SLC25A26: variants seen among roughly 807,000 people sequenced by gnomAD.
The protein encoded by SLC25A26 is solute carrier family 25 member 26, also known as mitochondrial S-adenosylmethionine carrier protein.
In SLC25A26, 36 loss-of-function variants were observed where a neutral mutation model predicts 37.8. The ratio of observed to expected loss-of-function variants is 0.95; its 90% confidence interval spans 0.73 to 1.26. The LOEUF (loss-of-function observed/expected upper bound fraction) is 1.26, where lower values mean the gene tolerates loss of function less well. SLC25A26 is among the 50% of genes most tolerant of loss of function. The pLI is 0.00. For missense variants in SLC25A26, 390 were observed against 331.1 expected (o/e 1.18, Z -1.38); for synonymous variants, 129 against 122.5 (o/e 1.05, Z -0.35).
At chr3:66,318,683 C>G (rs1488712311) in intron 5 of SLC25A26, among the ~76,000 whole-genome samples, 1 of 151,510 alleles carries the variant, frequency 6.6e-6, no homozygotes, top group East Asian at 1.9e-4. Context: ...TTTTTTGAGA[C>G]AGGCTCGGAG....
chr3:66,235,391 A>G (rs2072227448), intron 1 of SLC25A26, among the ~76,000 whole-genome samples: 1 of 152,214 alleles, frequency 6.6e-6, no homozygotes, highest in Non-Finnish European at 1.5e-5. Flanking sequence ...AGCTTCCCCA[A>G]AGCAACATGG....
chr3:66,325,303 T>A (rs1423559000), intron 5 of SLC25A26, among the ~76,000 whole-genome samples: 5 of 152,198 alleles, frequency 3.3e-5, no homozygotes, highest in Non-Finnish European at 5.9e-5. Flanking sequence ...TAATGAGGTT[T>A]TGTAGATTGA....
chr3:66,180,395 T>C (rs1163264682), intron 1 of SLC25A26, among the ~76,000 whole-genome samples: 1 of 152,134 alleles, frequency 6.6e-6, no homozygotes, highest in Non-Finnish European at 1.5e-5. Flanking sequence ...GCAGGGAACA[T>C]GCCGCAGAGC....
chr3:66,164,476 C>G lies in SLC25A26; in HGVS notation c.-354+30492C>G, dbSNP rs146277756. Among the ~76,000 whole-genome samples, 295 of 152,064 alleles carry G rather than the reference C, an allele frequency of 1.9e-3. 1 individual carries two copies. Among genetic ancestry groups the G allele is most frequent in the African/African-American group, 6.8e-3 (280 of 41,472 alleles). On this transcript the variant is annotated intron_variant, in intron 1 of 10. Transcript: ENST00000676754. ...TTTTAATGAGGGAGAAAAATCCTTT[C>G]CAGAAGCCCCCCAATGCCCAATAGG...
chr3:66,250,234 TCTATGGTCCTTAC>T (rs1207266980), intron 3 of SLC25A26, among the ~76,000 whole-genome samples: 1 of 152,194 alleles, frequency 6.6e-6, no homozygotes. Flanking sequence ...CTTCACCACT[TCTATGGTCCTTAC>T]CTAGTGATGT....
intron 5 of SLC25A26, among the ~76,000 whole-genome samples, chr3:66,301,690 A>G (rs1041720826): frequency 1.3e-5 from 2 of 152,214 alleles, no homozygotes; most frequent in Admixed American, 6.5e-5. Flanking sequence ...TCCTATCTAC[A>G]TGTTACCATT....
chr3:66,263,503 A>T, intron 5 of SLC25A26, 124 bp downstream of exon 5: 1 of 671,452 alleles, frequency 1.5e-6, no homozygotes, highest in Non-Finnish European at 2.6e-6. Context: ...AAAAAGGGAA[A>T]TTATCGTCAC....
chr3:66,218,466 A>AG (rs1436512036), upstream of SLC25A26, among the ~76,000 whole-genome samples: 1 of 152,158 alleles, frequency 6.6e-6, no homozygotes, highest in Non-Finnish European at 1.5e-5. Flanking sequence ...TAGCCACTCT[A>AG]GTGAGTTCTA....
At chr3:66,319,744 CTTTTTTTTTTTTT>C (rs71105981) in intron 5 of SLC25A26, among the ~76,000 whole-genome samples, 3 of 92,090 alleles carry the variant, frequency 3.3e-5, no homozygotes, top group South Asian at 7.5e-4. Flanking sequence ...GCAATTAAAT[CTTTTTTTTTTTTT>C]TTTTTTTTTT....
chr3:66,241,615 T>C (rs921628991), intron 2 of SLC25A26, among the ~76,000 whole-genome samples: 9 of 152,192 alleles, frequency 5.9e-5, no homozygotes, highest in Non-Finnish European at 1.2e-4. Flanking sequence ...TGGGAGATGC[T>C]AGGGAAAAGT....
At chr3:66,262,303 C>T in intron 4 of SLC25A26, 148 bp downstream of exon 4, 2 of 456,872 alleles carry the variant, frequency 4.4e-6, no homozygotes, top group Non-Finnish European at 7.7e-6. Flanking sequence ...CTAAGATTAT[C>T]TTTGCCTTTT....
intron 5 of SLC25A26, among the ~76,000 whole-genome samples, chr3:66,273,197 G>C (rs974699194): frequency 6.6e-6 from 1 of 152,130 alleles, no homozygotes; most frequent in Non-Finnish European, 1.5e-5. Context: ...CGGTTTGCCA[G>C]TATTTTATTG....
chr3:66,138,529 G>A (rs1007307967), intron 1 of SLC25A26, among the ~76,000 whole-genome samples: 1 of 118,714 alleles, frequency 8.4e-6, no homozygotes, highest in African/African-American at 3.8e-5. Context: ...CCTACATTGG[G>A]GCCTTTCTTT....
At chr3:66,156,288 T>C (rs2070281802) in intron 1 of SLC25A26, among the ~76,000 whole-genome samples, 1 of 152,188 alleles carries the variant, frequency 6.6e-6, no homozygotes, top group Non-Finnish European at 1.5e-5. Flanking sequence ...GTTACAGCAG[T>C]AACAAGGAAG....
chr3:66,166,984 G>A (rs1398937428), intron 1 of SLC25A26, among the ~76,000 whole-genome samples: 3 of 151,882 alleles, frequency 2.0e-5, no homozygotes, highest in Non-Finnish European at 4.4e-5. Context: ...TTTTATAAAG[G>A]TGAGTTTCCC....
chr3:66,302,041 T>C (rs905110360), intron 5 of SLC25A26, among the ~76,000 whole-genome samples: 1 of 152,240 alleles, frequency 6.6e-6, no homozygotes, highest in Non-Finnish European at 1.5e-5. Flanking sequence ...ATTATTGTTG[T>C]GATGATAATG....
At position 66,338,111 on chromosome 3, in the gene SLC25A26, C is replaced by A. The variant is rs1335345755; in HGVS notation, c.454-8253C>A. On this transcript the variant is annotated intron_variant, in intron 5 of 9. Transcript: ENST00000354883. ...TGAATAGAATCATATAGTCTGCACT[C>A]TTTTTGTTTCTTCTTTTGCTCAGTA... is the stretch of plus-strand genomic sequence containing the variant. Among the ~76,000 whole-genome samples, 4 of 152,078 alleles carry A rather than the reference C, an allele frequency of 2.6e-5. No homozygotes were observed. In the East Asian group the frequency reaches 7.7e-4, roughly 29 times the overall value.
chr3:66,266,032 A>G (rs2073733986), intron 5 of SLC25A26, among the ~76,000 whole-genome samples: 1 of 152,254 alleles, frequency 6.6e-6, no homozygotes, highest in South Asian at 2.1e-4. Context: ...TTGTTTTGAC[A>G]TATGTCCTGC....
intron 1 of SLC25A26, among the ~76,000 whole-genome samples, chr3:66,140,372 A>G (rs2070015960): frequency 1.3e-5 from 2 of 152,154 alleles, no homozygotes; most frequent in African/African-American, 4.8e-5. Context: ...GTTTGTGGAT[A>G]GCATCACCAA....
Sources: gnomAD v4.1 joint callset for allele counts (sites outside exome capture counted in the v4.1 genomes callset) on GRCh38, gnomAD v4.1.1 for gene constraint, MANE v1.5 for transcripts, NCBI Gene and HGNC (gene_info 2026-07-23, HGNC 2026-07-21) for gene names.